The following ANKRD44 variants were observed in gnomAD, a reference collection of about 807,000 sequenced individuals.
The protein encoded by ANKRD44 is ankyrin repeat domain 44, also known as serine/threonine-protein phosphatase 6 regulatory ankyrin repeat subunit B.
ANKRD44 carries 35 observed loss-of-function variants against 116.0 expected under a neutral mutation model. The observed-to-expected ratio is 0.30, with a 90% CI of 0.23 to 0.40. The LOEUF (loss-of-function observed/expected upper bound fraction) is 0.40. Ranked by LOEUF, ANKRD44 falls within the 10% of genes least tolerant of loss-of-function variation. ANKRD44 has a pLI of 1.00. For synonymous variants in ANKRD44, 435 were observed against 461.8 expected (o/e 0.94, Z 0.74); for missense variants, 1,014 against 1,242.6 (o/e 0.82, Z 2.77).
chr2:197,249,715 C>T (rs866009689), intron 1 of ANKRD44, among the ~76,000 whole-genome samples: 4 of 152,180 alleles, frequency 2.6e-5, no homozygotes, highest in African/African-American at 7.2e-5. Flanking sequence ...TCTTTCATTA[C>T]AGCATTTATT....
chr2:197,122,917 AG>A (rs1433071980), intron 6 of ANKRD44, 125 bp from the exon 7 acceptor site: 102 of 1,207,786 alleles, frequency 8.4e-5, no homozygotes, highest in Non-Finnish European at 6.4e-5. Context: ...ATTTGTAAAA[AG>A]CTGGTTCATG....
At chr2:197,110,881 G>T (rs772813376) in intron 8 of ANKRD44, 37 bp from the exon 9 acceptor site, 1 of 1,509,814 alleles carries the variant, frequency 6.6e-7, no homozygotes, top group Admixed American at 1.7e-5. Context: ...CAATGGAGGT[G>T]CTCATGAGCC....
chr2:197,248,087 A>C (rs747211586), intron 1 of ANKRD44, among the ~76,000 whole-genome samples: 2 of 152,162 alleles, frequency 1.3e-5, no homozygotes, highest in Admixed American at 1.3e-4. Flanking sequence ...CAATATCCAC[A>C]CTTGTCCCTC....
rs565498445 is a variant in ANKRD44, at chr2:197,059,549, T to C, written c.1650+19154A>G. ...AAGACTACTTCTGGCTAGTGGACAT[T>C]AAAAGAAGCAGCACAGATTCAAGTA... On this transcript the variant is annotated intron_variant, in intron 16 of 27. Transcript: ENST00000282272. Among the ~76,000 whole-genome samples, 7 of 152,304 alleles carry C rather than the reference T, an allele frequency of 4.6e-5. No homozygotes were observed. In the East Asian group the frequency reaches 9.6e-4, roughly 21 times the overall value.
intron 16 of ANKRD44, among the ~76,000 whole-genome samples, chr2:197,053,395 A>T (rs1273401734): frequency 3.9e-5 from 6 of 152,182 alleles, no homozygotes; most frequent in Non-Finnish European, 8.8e-5. Flanking sequence ...AATTTTTATA[A>T]TCAGAAAACA....
At chr2:197,021,429 C>T (rs891871084) in intron 17 of ANKRD44, among the ~76,000 whole-genome samples, 2 of 152,206 alleles carry the variant, frequency 1.3e-5, no homozygotes, top group African/African-American at 4.8e-5. Flanking sequence ...AGTGTAAAAG[C>T]GTTCCTATTT....
chr2:197,008,145 G>T (rs576864460), intron 19 of ANKRD44, among the ~76,000 whole-genome samples: 2 of 152,244 alleles, frequency 1.3e-5, no homozygotes, highest in Admixed American at 1.3e-4. Flanking sequence ...TGATCCCTAG[G>T]GATGAGGCAG....
At chr2:196,974,656 A>G (rs1419772925) in intron 21 of ANKRD44, among the ~76,000 whole-genome samples, 3 of 152,052 alleles carry the variant, frequency 2.0e-5, no homozygotes. Context: ...TTGGTAGGCC[A>G]AGGCAGGCAG....
intron 21 of ANKRD44, among the ~76,000 whole-genome samples, chr2:196,973,795 C>T (rs560994572): frequency 1.8e-4 from 28 of 152,236 alleles, no homozygotes; most frequent in African/African-American, 6.3e-4. Context: ...TTTAAAACTT[C>T]CATGATTTCC....
chr2:197,110,782 C>T lies in ANKRD44; in HGVS notation c.969G>A (p.Gln323=). 3 of 1,613,682 alleles carry T rather than the reference C, an allele frequency of 1.9e-6. No individual in the cohort carries two copies. Among genetic ancestry groups the T allele is most frequent in the Non-Finnish European group, 2.5e-6 (3 of 1,179,642 alleles). ...CTCTCTTACCATTCTGAATGAGGGT[C>T]TGTGACCGTGTGAACCTTCCATGGA... ...TAVHGRFTRS[Q]TLIQNGGEID... Residue 323 remains glutamine (Q), a synonymous_variant, in exon 9 of 28, where the codon CAG becomes CAA. Transcript: ENST00000282272.
chr2:197,072,046 A>AGAAG (rs60306279), intron 16 of ANKRD44, among the ~76,000 whole-genome samples: 17,649 of 110,572 alleles, frequency 0.16, 1,361 homozygotes, highest in Middle Eastern at 0.21. Context: ...GAGGGAGGAA[A>AGAAG]GAAGGAAGGA....
chr2:197,183,650 T>C (rs563286848), intron 2 of ANKRD44, among the ~76,000 whole-genome samples: 82 of 151,400 alleles, frequency 5.4e-4, no homozygotes, highest in African/African-American at 1.9e-3. Context: ...TGTACACACC[T>C]GAAGGAGCAG....
At chr2:197,143,316 C>T (rs2079415766) in intron 3 of ANKRD44, among the ~76,000 whole-genome samples, 1 of 150,518 alleles carries the variant, frequency 6.6e-6, no homozygotes, top group Admixed American at 6.6e-5. Context: ...CGTCATTTAG[C>T]ATTAGATATA....
intron 1 of ANKRD44, among the ~76,000 whole-genome samples, chr2:197,255,277 G>A (rs1024459530): frequency 2.0e-5 from 3 of 152,178 alleles, no homozygotes; most frequent in African/African-American, 7.2e-5. Context: ...GCTTCCTGGG[G>A]CTGGGCTCCC....
At chr2:197,050,129 G>A (rs1300773685) in intron 16 of ANKRD44, among the ~76,000 whole-genome samples, 1 of 152,118 alleles carries the variant, frequency 6.6e-6, no homozygotes, top group Non-Finnish European at 1.5e-5. Flanking sequence ...AACTTCATAC[G>A]GCTGGAGCAG....
intron 3 of ANKRD44, among the ~76,000 whole-genome samples, chr2:197,146,775 A>G (rs752175013): frequency 1.3e-5 from 2 of 151,842 alleles, no homozygotes; most frequent in Non-Finnish European, 2.9e-5. Context: ...GAATTCATCT[A>G]CAATGCTGGG....
intron 17 of ANKRD44, 85 bp from the exon 18 acceptor site, chr2:197,013,797 G>A (rs1473231930): frequency 3.5e-6 from 5 of 1,418,586 alleles, no homozygotes; most frequent in Non-Finnish European, 4.9e-6. Context: ...GGGCTTCCTG[G>A]GCCATGGATA....
At chr2:197,202,421 A>G (rs1483532076) in intron 1 of ANKRD44, among the ~76,000 whole-genome samples, 2 of 151,972 alleles carry the variant, frequency 1.3e-5, no homozygotes, top group Non-Finnish European at 1.5e-5. Context: ...AAAAAACCCA[A>G]TAAGGGGTGG....
intron 1 of ANKRD44, among the ~76,000 whole-genome samples, chr2:197,259,572 C>T (rs992156540): frequency 2.0e-5 from 3 of 152,148 alleles, no homozygotes; most frequent in African/African-American, 7.2e-5. Context: ...CCTGAGAAAA[C>T]TTCACTTTCA....
Sources: allele counts gnomAD v4.1 joint callset (sites outside exome capture counted in the v4.1 genomes callset), GRCh38; gene constraint gnomAD v4.1.1; transcripts MANE v1.5; gene names NCBI Gene and HGNC (gene_info 2026-07-23, HGNC 2026-07-21).